ZNF239: variants seen among roughly 807,000 people sequenced by gnomAD.
ZNF239 encodes the protein zinc finger protein 239, also known as zinc finger protein (C2H2) homologous to mouse MOK-2.
A neutral mutation model predicts 27.5 loss-of-function variants in ZNF239; 16 were observed. That is an observed-to-expected ratio of 0.58 (90% CI 0.39 to 0.88). The LOEUF (loss-of-function observed/expected upper bound fraction) is 0.88, where lower values mean the gene tolerates loss of function less well. ZNF239 is among the 40% of genes least tolerant of loss of function. ZNF239 has a pLI of 0.00. For missense variants in ZNF239, 527 were observed against 551.9 expected, an observed-to-expected ratio of 0.95 and a Z score of 0.45; for synonymous variants, 199 against 192.6, an observed-to-expected ratio of 1.03 and a Z score of -0.27.
intron 2 of ZNF239, among the ~76,000 whole-genome samples, chr10:43,569,948 G>GT (rs1054372684): frequency 1.3e-4 from 20 of 151,600 alleles, no homozygotes; most frequent in Non-Finnish European, 2.4e-4. Flanking sequence ...TGAAGAACCA[G>GT]TTTTTTTTTG....
chr10:43,571,443 G>T (rs115170974), intron 2 of ZNF239, among the ~76,000 whole-genome samples: 272 of 151,968 alleles, frequency 1.8e-3, no homozygotes, highest in African/African-American at 6.3e-3. Flanking sequence ...GAAGCATGAG[G>T]ATGAGTTAGA....
At chr10:43,571,691 T>G (rs1297798653) in intron 2 of ZNF239, among the ~76,000 whole-genome samples, 1 of 152,112 alleles carries the variant, frequency 6.6e-6, no homozygotes, top group Non-Finnish European at 1.5e-5. Flanking sequence ...CCCGAGTAGC[T>G]GGGATTACAA....
At chr10:43,566,486 G>A (rs1837661546) in intron 3 of ZNF239, among the ~76,000 whole-genome samples, 1 of 152,088 alleles carries the variant, frequency 6.6e-6, no homozygotes. Flanking sequence ...GGGTTTCGCT[G>A]TGTTGCCCAG....
chr10:43,573,165 T>C (rs1003707986), intron 2 of ZNF239, among the ~76,000 whole-genome samples: 1 of 152,270 alleles, frequency 6.6e-6, no homozygotes, highest in African/African-American at 2.4e-5. Context: ...TTCCTCGTTT[T>C]TGACTCATAG....
At position 43,557,789 on chromosome 10, in the gene ZNF239, T is replaced by C; in HGVS notation, c.291A>G (p.Val97=). The stretch of plus-strand genomic sequence containing the variant: ...CTTTTCTCTCAGTGCTTTCTTCCAT[T>C]ACAAAGAGACGTCTGCTTTCCTGAT... ...QDHQESRRLF[V]MEESTERKVI... is the part of the protein sequence containing the mutation. The change falls in exon 4 of 4, where the codon GTA becomes GTG. Residue 97 remains valine (V), a synonymous_variant. Transcript: ENST00000374446. 1 of 1,614,212 alleles carries C rather than the reference T, an allele frequency of 6.2e-7. No homozygotes were observed. Among genetic ancestry groups the C allele is most frequent in the Non-Finnish European group, 8.5e-7 (1 of 1,180,034 alleles).
intron 2 of ZNF239, chr10:43,570,686 T>C (rs1020643486): frequency 3.2e-6 from 3 of 939,500 alleles, no homozygotes; most frequent in Admixed American, 6.2e-5. Flanking sequence ...TCCAATGTGT[T>C]ACCTCTTTTC....
At chr10:43,570,156 A>C (rs1837938016) in intron 2 of ZNF239, 1 of 985,244 alleles carries the variant, frequency 1.0e-6, no homozygotes, top group South Asian at 4.7e-5. Context: ...CCTGCCCTGC[A>C]GGAGTGACAT....
intron 3 of ZNF239, among the ~76,000 whole-genome samples, chr10:43,561,825 C>T (rs567271129): frequency 6.6e-6 from 1 of 151,364 alleles, no homozygotes; most frequent in African/African-American, 2.4e-5. Flanking sequence ...CTACAAAATA[C>T]AAAACAAAAA....
Position 43,556,945 on chromosome 10 carries a change from C to G in ZNF239, c.1135G>C (p.Glu379Gln), listed in dbSNP as rs749989646. The change falls in exon 4 of 4, where the codon GAG (glutamate) becomes CAG (glutamine). Residue 379 changes from glutamate to glutamine, a missense_variant. Glu to Gln is a conservative substitution (Grantham distance 29). Transcript: ENST00000374446. ...HTGEKPYQCY[E>Q]CGKGFSQSSD... ...CTCTGGCTGAAACCCTTCCCACACTCATAGCATTGGTAAGGCTTCTCTCCT... is the reference window on the plus strand; with the variant it reads ...CTCTGGCTGAAACCCTTCCCACACTGATAGCATTGGTAAGGCTTCTCTCCT... 6.2e-7 allele frequency: 1 copy of G among 1,612,444 alleles called. No individual in the cohort carries two copies. Among genetic ancestry groups the G allele is most frequent in the East Asian group, 2.2e-5 (1 of 44,724 alleles).
intron 3 of ZNF239, 32 bp from the exon 4 acceptor site, chr10:43,558,203 C>G: frequency 6.9e-7 from 1 of 1,455,152 alleles, no homozygotes. Context: ...GTGGTAAGAA[C>G]AAAGGGTAGA....
rs1182181913 is a variant in ZNF239 at position 43,557,599 on chromosome 10, T to A, written c.481A>T (p.Lys161Ter). Residue 161 changes from lysine to a stop codon, truncating the protein, a stop_gained, in exon 4 of 4, where the codon AAA (lysine) becomes TAA (stop). Coordinates refer to ENST00000374446, the MANE Select transcript of ZNF239 (RefSeq NM_001099282.2). LOFTEE classifies it high-confidence loss of function. ...TGACTACAACTGACCACCTGTGATT[T>A]CCATCCATGAATGTCTTTGCAGTTA... ...DCNCKDIHGW[K>*]SQVVSCSQQR... The A allele has an allele frequency of 1.2e-6, 2 of 1,614,220 alleles. No individual in the cohort carries two copies. Among genetic ancestry groups the A allele is most frequent in the Non-Finnish European group, 1.7e-6 (2 of 1,180,046 alleles).
At chr10:43,571,912 T>C (rs1369054549) in intron 2 of ZNF239, among the ~76,000 whole-genome samples, 2 of 152,290 alleles carry the variant, frequency 1.3e-5, no homozygotes, top group African/African-American at 4.8e-5. Flanking sequence ...ATCTGAAAGA[T>C]AAATATAAAT....
At position 43,557,328 on chromosome 10, in the gene ZNF239, A is replaced by T. The variant is rs781697181; in HGVS notation, c.752T>A (p.Leu251His). 2 of 1,613,388 alleles carry T rather than the reference A, an allele frequency of 1.2e-6. No homozygotes were observed. The highest frequency in any genetic ancestry group is 8.5e-7 in the Non-Finnish European group (1 of 1,179,784). The stretch of plus-strand genomic sequence containing the variant: ...ATCTGTGTGGACTGCCTGATGGATA[A>T]GCAGACTCGAGCTCCTTGTGAAGCC... ...GKGFTRSSSL[L>H]IHQAVHTDEK... The change falls in exon 4 of 4, where the codon CTT (leucine) becomes CAT (histidine). Residue 251 changes from leucine (L) to histidine (H), a missense_variant. By Grantham distance (99) the Leu-to-His change is moderately conservative. Transcript: ENST00000374446.
At chr10:43,566,689 T>G (rs1350213934) in intron 3 of ZNF239, among the ~76,000 whole-genome samples, 1 of 152,210 alleles carries the variant, frequency 6.6e-6, no homozygotes, top group Non-Finnish European at 1.5e-5. Flanking sequence ...CTAATTTAAG[T>G]TCTTCATGAA....
rs867678629 is a variant in ZNF239 at position 43,558,421 on chromosome 10, T to C, written c.-92-250A>G. Among the ~76,000 whole-genome samples the C allele has an allele frequency of 2.1e-4, 32 of 152,332 alleles. 1 individual carries two copies. The highest frequency in any genetic ancestry group is 7.5e-4 in the African/African-American group (31 of 41,590). On this transcript the variant is annotated intron_variant, in intron 3 of 3. Transcript: ENST00000374446. ...ATAGAAGGCTGTAAGTCCTATATCCTTGCTAACAATAACATTTCATCTCAT... is the reference window on the plus strand; with the variant it reads ...ATAGAAGGCTGTAAGTCCTATATCCCTGCTAACAATAACATTTCATCTCAT...
intron 3 of ZNF239, among the ~76,000 whole-genome samples, chr10:43,561,003 T>C (rs1301634695): frequency 1.3e-5 from 2 of 152,218 alleles, no homozygotes; most frequent in Non-Finnish European, 2.9e-5. Flanking sequence ...ACTTGTTTCC[T>C]AGATATGTGT....
rs564484721 is a variant in ZNF239 at position 43,558,182 on chromosome 10, A to C, written c.-92-11T>G. The C allele has an allele frequency of 5.4e-6, 8 of 1,468,228 alleles. No homozygotes were observed. The South Asian group carries it at 1.0e-4, about 19-fold the overall frequency. 91.0% of individuals were successfully genotyped at this position (1,468,228 alleles called of 1,614,324 possible). A position where few individuals can be genotyped will look rare whatever the true frequency, so the allele number is the denominator to read the frequency against. On this transcript the variant is annotated splice_polypyrimidine_tract_variant and intron_variant, in intron 3 of 3. Transcript: ENST00000374446. ...TTTCATTCAAGTCTCCTAGGGAACA[A>C]AGACAATTCAGTGGTAAGAACAAAG...
Position 43,557,100 on chromosome 10 carries a change from C to T in ZNF239, c.980G>A (p.Ser327Asn). ...GTGCAGGTTTGAGCGCTGACTGAAG[C>T]TCATACCACACTCCTCACACTCATA... is the stretch of plus-strand genomic sequence containing the variant. Reference protein sequence around the residue: ...KPYECEECGMSFSQRSNLHIH... With the variant: ...KPYECEECGMNFSQRSNLHIH... Residue 327 changes from serine (S) to asparagine (N), a missense_variant, in exon 4 of 4, where the codon AGC (serine) becomes AAC (asparagine). Ser to Asn is a conservative substitution (Grantham distance 46, BLOSUM62 1). Coordinates refer to ENST00000374446, the MANE Select transcript of ZNF239 (RefSeq NM_001099282.2). 1 of 1,612,830 alleles carries T rather than the reference C, an allele frequency of 6.2e-7. No individual in the cohort carries two copies. The highest frequency in any genetic ancestry group is 8.5e-7 in the Non-Finnish European group (1 of 1,179,244).
chr10:43,574,441 C>T (rs1459962719), intron 1 of ZNF239, 99 bp downstream of exon 1: 1 of 152,268 alleles, frequency 6.6e-6, no homozygotes, highest in Non-Finnish European at 1.5e-5. Flanking sequence ...GCCCTCCCGG[C>T]TTCCGCAGCT....
Sources: gnomAD v4.1 joint callset for allele counts (sites outside exome capture counted in the v4.1 genomes callset) on GRCh38, gnomAD v4.1.1 for gene constraint, MANE v1.5 for transcripts, NCBI Gene and HGNC (gene_info 2026-07-23, HGNC 2026-07-21) for gene names.